The following FBH1 variants were observed in gnomAD, a reference collection of about 807,000 sequenced individuals.
The protein encoded by FBH1 is F-box DNA helicase 1, also known as DNA 3'-5' helicase 1.
FBH1 carries 43 observed loss-of-function variants against 115.5 expected under a neutral mutation model. The ratio of observed to expected loss-of-function variants is 0.37; its 90% CI spans 0.29 to 0.48. FBH1 has a LOEUF of 0.48. Ranked by LOEUF, FBH1 falls within the 20% of genes least tolerant of loss-of-function variation. FBH1 has a pLI of 0.99. For synonymous variants in FBH1, 524 were observed against 507.8 expected (o/e 1.03, Z -0.43); for missense variants, 1,001 against 1,337.3 (o/e 0.75, Z 3.92).
In FBH1 at chr10:5,917,499, C is replaced by T; in HGVS notation, c.1868C>T (p.Thr623Ile). Residue 623 changes from threonine to isoleucine, a missense_variant, in exon 11 of 21, where the codon ACT becomes ATT. Thr to Ile is a moderately conservative substitution (Grantham distance 89). Coordinates refer to ENST00000362091, the MANE Select transcript of FBH1 (RefSeq NM_178150.3). The surrounding 1 kb of genome is among the most constrained non-coding windows in gnomAD (Gnocchi z 5.6). ...TGCACAGAAGAGGCGCACCAGATGA[C>T]TCATGACGGTAGGCGGCTGCCGAAT... ...GECTEEAHQM[T>I]HDGYLKLWQL... is the part of the protein sequence containing the mutation. 2 of 1,614,194 alleles carry T rather than the reference C, an allele frequency of 1.2e-6. No homozygotes were observed. The highest frequency in any genetic ancestry group is 8.5e-7 in the Non-Finnish European group (1 of 1,180,022).
At chr10:5,903,780 A>G (rs149557052) in intron 2 of FBH1, among the ~76,000 whole-genome samples, 41 of 152,354 alleles carry the variant, frequency 2.7e-4, no homozygotes, top group Admixed American at 1.4e-3. Context: ...CACTGAGATT[A>G]GTTGACTCTT....
At chr10:5,894,347 A>G (rs1475114108) in intron 1 of FBH1, 1 of 1,559,176 alleles carries the variant, frequency 6.4e-7, no homozygotes, top group Non-Finnish European at 8.7e-7. Context: ...TGATTTTAAA[A>G]AAATGTAATA....
At position 5,916,462 on chromosome 10, in the gene FBH1, T is replaced by A; in HGVS notation, c.1788+6T>A. ...TTGAGCAGAGTGAAAAACTGGTGAG[T>A]GTCTAAGTGTCTGAAGTGTTAGGGA... On this transcript the variant is annotated splice_donor_region_variant and intron_variant, in intron 10 of 20. Transcript: ENST00000362091. 6.2e-7 allele frequency: 1 copy of A among 1,607,948 alleles called. No individual in the cohort carries two copies. Among genetic ancestry groups the A allele is most frequent in the Non-Finnish European group, 8.5e-7 (1 of 1,178,190 alleles).
chr10:5,937,088 T>G (rs1003788059), intron 20 of FBH1, 22 bp from the exon 21 acceptor site: 3 of 1,569,476 alleles, frequency 1.9e-6, no homozygotes, highest in East Asian at 2.3e-5. Flanking sequence ...CCCTTAGCTC[T>G]CTCTCTTGTC....
In FBH1 at chr10:5,932,064, G is replaced by C. The variant is rs532189532; in HGVS notation, c.2830-4392G>C. On this transcript the variant is annotated intron_variant, in intron 19 of 20. Coordinates refer to ENST00000362091, the MANE Select transcript of FBH1 (RefSeq NM_178150.3). The surrounding 1 kb of genome is among the most constrained non-coding windows in gnomAD (Gnocchi z 5.9). ...TAGGAGGCTGAGGTGGGAGAATCGC[G>C]TGAACCCAGGAGGCGGAGATTGCAG... is the stretch of plus-strand genomic sequence containing the variant. Among the ~76,000 whole-genome samples, 1 of 152,152 alleles carries C rather than the reference G, an allele frequency of 6.6e-6. No homozygotes were observed. The highest frequency in any genetic ancestry group is 1.5e-5 in the Non-Finnish European group (1 of 68,032).
chr10:5,899,241 G>T (rs1269852074), intron 1 of FBH1, among the ~76,000 whole-genome samples: 1 of 152,150 alleles, frequency 6.6e-6, no homozygotes, highest in Non-Finnish European at 1.5e-5. Context: ...CCTGCAGCTG[G>T]CCTGAGGTCC....
In FBH1 at chr10:5,917,013, T is replaced by C. The variant is rs115057882; in HGVS notation, c.1789-407T>C. On this transcript the variant is annotated intron_variant, in intron 10 of 20. Coordinates refer to ENST00000362091, the MANE Select transcript of FBH1 (RefSeq NM_178150.3). The surrounding 1 kb of genome is among the most constrained non-coding windows in gnomAD (Gnocchi z 5.6). The stretch of plus-strand genomic sequence containing the variant: ...CTGATCTTAACTGAAGGCTGGAATC[T>C]CTCCTGATTTTCTTGGGTTATTGGT... 3.1e-3 allele frequency: 650 copies of C among 208,430 alleles called. 2 individuals are homozygous for C. The highest frequency in any genetic ancestry group is 0.014 in the African/African-American group (615 of 43,204). The allele number at this position is 208,430 out of a possible 1,614,324, so 12.9% of individuals were successfully genotyped here. A position where few individuals can be genotyped will look rare whatever the true frequency, so the allele number is the denominator to read the frequency against.
chr10:5,893,047 T>C (rs1419175545), intron 1 of FBH1, among the ~76,000 whole-genome samples: 1 of 152,254 alleles, frequency 6.6e-6, no homozygotes, highest in Non-Finnish European at 1.5e-5. Context: ...GGCTGACGCC[T>C]GTAATCCTAC....
intron 1 of FBH1, among the ~76,000 whole-genome samples, chr10:5,896,776 G>A (rs1325091764): frequency 6.6e-6 from 1 of 152,072 alleles, no homozygotes; most frequent in Non-Finnish European, 1.5e-5. Flanking sequence ...ATTCACCACA[G>A]ATAATTTCAT....
chr10:5,936,440 G>T lies in FBH1; in HGVS notation c.2830-16G>T. On this transcript the variant is annotated splice_polypyrimidine_tract_variant and intron_variant, in intron 19 of 20. Transcript: ENST00000362091. The surrounding 1 kb of genome is among the most constrained non-coding windows in gnomAD (Gnocchi z 5.6). ...AGGTGTCGCCATGACTCTCTTTCTC[G>T]CTCTTTCTTTCTCAGGAGTACTTCT... 1 of 1,611,498 alleles carries T rather than the reference G, an allele frequency of 6.2e-7. No individual in the cohort carries two copies. The highest frequency in any genetic ancestry group is 1.7e-4 in the Middle Eastern group (1 of 5,928).
Position 5,931,890 on chromosome 10 carries a change from TC to T in FBH1, c.2829+4352del, listed in dbSNP as rs1286313633. 2.6e-5 allele frequency among the ~76,000 whole-genome samples: 4 copies of T among 152,204 alleles called. No individual in the cohort carries two copies. The highest frequency in any genetic ancestry group is 9.7e-5 in the African/African-American group (4 of 41,448). On this transcript the variant is annotated intron_variant, in intron 19 of 20. Coordinates refer to ENST00000362091, the MANE Select transcript of FBH1 (RefSeq NM_178150.3). This position sits in a 1 kb window ranked among gnomAD's most constrained non-coding sequence, Gnocchi z 4.3. ...TGGGCACAGTGGCTCACCCCTGTAATCCCAGCACTTTGCGGGGCTGAGGCAG... is the reference window on the plus strand; with the variant it reads ...TGGGCACAGTGGCTCACCCCTGTAATCCAGCACTTTGCGGGGCTGAGGCAG...
At chr10:5,891,521 G>C (rs886231627) in intron 1 of FBH1, among the ~76,000 whole-genome samples, 1 of 152,166 alleles carries the variant, frequency 6.6e-6, no homozygotes, top group Admixed American at 6.5e-5. Context: ...CCCTCTCCCA[G>C]TTTCAGATGA....
chr10:5,913,388 AAG>A lies in FBH1; in HGVS notation c.1212-356_1212-355del, dbSNP rs1438251858. On this transcript the variant is annotated intron_variant, in intron 6 of 20. Coordinates refer to ENST00000362091, the MANE Select transcript of FBH1 (RefSeq NM_178150.3). The surrounding 1 kb of genome is among the most constrained non-coding windows in gnomAD (Gnocchi z 4.4). ...CAGGTGTAGTAAGTATCATTCAAAC[AAG>A]AGTCTCAGTGCTAGGAGCAGTGTTT... Among the ~76,000 whole-genome samples, 13 of 152,186 alleles carry A rather than the reference AAG, an allele frequency of 8.5e-5. No individual in the cohort carries two copies. Among genetic ancestry groups the A allele is most frequent in the Non-Finnish European group, 1.8e-4 (12 of 68,038 alleles).
chr10:5,918,223 G>A lies in FBH1; in HGVS notation c.1964-119G>A. On this transcript the variant is annotated intron_variant, in intron 12 of 20. Transcript: ENST00000362091. The surrounding 1 kb of genome is among the most constrained non-coding windows in gnomAD (Gnocchi z 4.0). Reference sequence around the variant, plus strand: ...GGAGTGTGCCTGTCCTACAGGAAAAGGCGACCGTGAGGTCCAGTGTGCCCT... The same window carrying A: ...GGAGTGTGCCTGTCCTACAGGAAAAAGCGACCGTGAGGTCCAGTGTGCCCT... 3.2e-6 allele frequency: 4 copies of A among 1,237,260 alleles called. No homozygotes were observed. The highest frequency in any genetic ancestry group is 4.5e-6 in the Non-Finnish European group (4 of 886,416). 76.6% of individuals were successfully genotyped at this position (1,237,260 alleles called of 1,614,324 possible). A position where few individuals can be genotyped will look rare whatever the true frequency, so the allele number is the denominator to read the frequency against.
Position 5,921,927 on chromosome 10 carries a change from C to T in FBH1, c.2322+358C>T, listed in dbSNP as rs1185025495. 6.6e-6 allele frequency among the ~76,000 whole-genome samples: 1 copy of T among 152,210 alleles called. No individual in the cohort carries two copies. Among genetic ancestry groups the T allele is most frequent in the Non-Finnish European group, 1.5e-5 (1 of 68,038 alleles). ...GAGCTGACAACACGCAGAGTACACA[C>T]CTAGGCTCTAGTTCTGACTGGTCAC... On this transcript the variant is annotated intron_variant, in intron 15 of 20. Coordinates refer to ENST00000362091, the MANE Select transcript of FBH1 (RefSeq NM_178150.3). The surrounding 1 kb of genome is among the most constrained non-coding windows in gnomAD (Gnocchi z 6.4).
chr10:5,921,719 T>G lies in FBH1; in HGVS notation c.2322+150T>G. On this transcript the variant is annotated intron_variant, in intron 15 of 20. Transcript: ENST00000362091. The surrounding 1 kb of genome is among the most constrained non-coding windows in gnomAD (Gnocchi z 6.4). ...ACCAGGCTGCACCATGAGTGGTCTC[T>G]ATCCCAGGCCATTCTGATTATGCCA... The G allele has an allele frequency of 1.9e-6, 2 of 1,032,312 alleles. No individual in the cohort carries two copies. Among genetic ancestry groups the G allele is most frequent in the Middle Eastern group, 2.3e-4 (1 of 4,354 alleles). The allele number at this position is 1,032,312 out of a possible 1,614,324, so 63.9% of individuals were successfully genotyped here.
At position 5,902,954 on chromosome 10, in the gene FBH1, G is replaced by A. The variant is rs912814836; in HGVS notation, c.2-66G>A. The stretch of plus-strand genomic sequence containing the variant: ...GCAGAAACTTGAGTATAATGTGCTG[G>A]CTAGCTTGTAGAATCGGTGATAACT... On this transcript the variant is annotated intron_variant, in intron 1 of 20. Coordinates refer to ENST00000362091, the MANE Select transcript of FBH1 (RefSeq NM_178150.3). 78 of 1,484,494 alleles carry A rather than the reference G, an allele frequency of 5.3e-5. No homozygotes were observed. In the African/African-American group the frequency reaches 9.0e-4, roughly 17 times the overall value. 92.0% of individuals were successfully genotyped at this position (1,484,494 alleles called of 1,614,324 possible).
rs1369299159 is a variant in FBH1, at chr10:5,903,080, A to T, written c.62A>T (p.His21Leu). 6.2e-7 allele frequency: 1 copy of T among 1,613,822 alleles called. No individual in the cohort carries two copies. The highest frequency in any genetic ancestry group is 1.3e-5 in the African/African-American group (1 of 74,910). ...GACTGCCAGCATTTGGCTCGGAGTC[A>T]CTTGGCTGTGACCCAGCCCTTCGGT... The part of the protein sequence containing the change: ...AIDCQHLARS[H>L]LAVTQPFGQR... Residue 21 changes from histidine (H) to leucine (L), a missense_variant, in exon 2 of 21, where the codon CAC (histidine) becomes CTC (leucine). Physicochemically the swap from His to Leu is moderately conservative, Grantham distance 99. Coordinates refer to ENST00000362091, the MANE Select transcript of FBH1 (RefSeq NM_178150.3).
rs1589090260 is a variant in FBH1 at position 5,917,158 on chromosome 10, G to T, written c.1789-262G>T. 2.2e-6 allele frequency: 1 copy of T among 457,616 alleles called. No homozygotes were observed. Among genetic ancestry groups the T allele is most frequent in the Admixed American group, 3.6e-5 (1 of 28,110 alleles). The allele number at this position is 457,616 out of a possible 1,614,324, so 28.3% of individuals were successfully genotyped here. On this transcript the variant is annotated intron_variant, in intron 10 of 20. Transcript: ENST00000362091. The surrounding 1 kb of genome is among the most constrained non-coding windows in gnomAD (Gnocchi z 5.6). ...GTCATAAATCTAGAAGAACAATTTG[G>T]CCTTTTCTGGTTCACCTAACTGTTA... is the stretch of plus-strand genomic sequence containing the variant.
Sources: gnomAD v4.1 joint callset for allele counts (sites outside exome capture counted in the v4.1 genomes callset) on GRCh38, gnomAD v4.1.1 for gene constraint, Gnocchi (gnomAD v3.1) non-coding constraint, MANE v1.5 for transcripts, NCBI Gene and HGNC (gene_info 2026-07-23, HGNC 2026-07-21) for gene names.